Variants in ANO4 observed in about 807,000 individuals in gnomAD.
The protein encoded by ANO4 is anoctamin-4.
A neutral mutation model predicts 141.9 loss-of-function variants in ANO4; 69 were observed. The observed-to-expected ratio is 0.49, with a 90% CI of 0.40 to 0.59. The LOEUF (loss-of-function observed/expected upper bound fraction) is 0.59, where lower values mean the gene tolerates loss of function less well. ANO4 is among the 20% of genes least tolerant of loss of function. ANO4 has a pLI of 0.00. For synonymous variants in ANO4, 350 were observed against 394.3 expected (o/e 0.89, Z 1.33); for missense variants, 894 against 1,162.2 (o/e 0.77, Z 3.36).
At chr12:101,095,851 T>G (rs2049961374) in intron 18 of ANO4, among the ~76,000 whole-genome samples, 1 of 152,216 alleles carries the variant, frequency 6.6e-6, no homozygotes, top group Admixed American at 6.5e-5. Flanking sequence ...ATCCATGTTT[T>G]GGTTCACACC....
chr12:100,892,812 G>A (rs547403421), intron 1 of ANO4, among the ~76,000 whole-genome samples: 7 of 149,758 alleles, frequency 4.7e-5, no homozygotes, highest in Admixed American at 4.7e-4. Flanking sequence ...TTTTCTATCC[G>A]AGGTTGGTTT....
chr12:101,107,547 A>G (rs2050497742), intron 22 of ANO4, among the ~76,000 whole-genome samples: 1 of 104,908 alleles, frequency 9.5e-6, no homozygotes, highest in African/African-American at 6.7e-5. Flanking sequence ...AGTCATAGCA[A>G]CACTGCATAT....
chr12:101,122,623 C>T (rs1005160295), intron 26 of ANO4, among the ~76,000 whole-genome samples: 2 of 152,156 alleles, frequency 1.3e-5, no homozygotes, highest in Non-Finnish European at 2.9e-5. Context: ...TATCTCAGCA[C>T]CATTTATTGA....
intron 18 of ANO4, 102 bp downstream of exon 18, chr12:101,094,394 A>G (rs2049898092): frequency 1.1e-6 from 1 of 915,034 alleles, no homozygotes; most frequent in African/African-American, 1.7e-5. Flanking sequence ...TAGTCCCTTT[A>G]TTTTAAAATT....
intron 1 of ANO4, among the ~76,000 whole-genome samples, chr12:100,806,882 AT>A (rs561082850): frequency 6.6e-6 from 1 of 151,158 alleles, no homozygotes; most frequent in South Asian, 2.1e-4. Context: ...TTTCCTTATG[AT>A]TTTTTTTACC....
At chr12:100,751,454 A>T (rs555387800) in intron 3 of ANO4, among the ~76,000 whole-genome samples, 12 of 152,244 alleles carry the variant, frequency 7.9e-5, no homozygotes, top group African/African-American at 2.4e-4. Flanking sequence ...ACAGATTGGG[A>T]AACACCCTCT....
chr12:100,881,363 T>C (rs2039559976), intron 1 of ANO4, among the ~76,000 whole-genome samples: 1 of 150,856 alleles, frequency 6.6e-6, no homozygotes, highest in Non-Finnish European at 1.5e-5. Flanking sequence ...TATATTATAA[T>C]ACAAATGCAT....
At chr12:100,872,684 CA>C (rs1011203242) in intron 1 of ANO4, among the ~76,000 whole-genome samples, 4 of 152,126 alleles carry the variant, frequency 2.6e-5, no homozygotes, top group Non-Finnish European at 4.4e-5. Context: ...TATATTTCGG[CA>C]GCTATAATTT....
intron 3 of ANO4, among the ~76,000 whole-genome samples, chr12:100,784,071 CA>C (rs2033789675): frequency 6.6e-6 from 1 of 152,112 alleles, no homozygotes; most frequent in African/African-American, 2.4e-5. Context: ...TGTGGTTTTT[CA>C]CTGTTGTATT....
chr12:100,748,631 T>C (rs2032222106), intron 3 of ANO4, among the ~76,000 whole-genome samples: 1 of 152,244 alleles, frequency 6.6e-6, no homozygotes, highest in African/African-American at 2.4e-5. Flanking sequence ...GACAATTTCT[T>C]TTAATTGATG....
At chr12:100,907,726 G>A (rs1021344387) in intron 2 of ANO4, among the ~76,000 whole-genome samples, 4 of 152,132 alleles carry the variant, frequency 2.6e-5, no homozygotes, top group Admixed American at 2.0e-4. Context: ...CTCATCCCTA[G>A]CTATTTTCCA....
At chr12:101,037,609 G>A (rs1280969881) in intron 10 of ANO4, among the ~76,000 whole-genome samples, 1 of 152,194 alleles carries the variant, frequency 6.6e-6, no homozygotes, top group Non-Finnish European at 1.5e-5. Context: ...ACTCATCATT[G>A]TTCACCTAAG....
intron 1 of ANO4, among the ~76,000 whole-genome samples, chr12:100,865,762 G>A (rs1379126533): frequency 6.6e-6 from 1 of 152,180 alleles, no homozygotes; most frequent in Non-Finnish European, 1.5e-5. Context: ...ATAATAAAGG[G>A]ACTATTTGCA....
At chr12:100,791,673 G>A (rs1201740880), upstream of ANO4, among the ~76,000 whole-genome samples, 1 of 152,282 alleles carries the variant, frequency 6.6e-6, no homozygotes, top group East Asian at 1.9e-4. Context: ...AAGCATTCTT[G>A]GGGGACCCCC....
At chr12:100,874,272 G>A (rs773338587) in intron 1 of ANO4, among the ~76,000 whole-genome samples, 1 of 152,210 alleles carries the variant, frequency 6.6e-6, no homozygotes, top group South Asian at 2.1e-4. Flanking sequence ...GCCTTGTGGA[G>A]CTGTGAGAAG....
rs145735333 is a variant in ANO4 at position 100,816,110 on chromosome 12, C to T, written c.-141+21083C>T. Among the ~76,000 whole-genome samples, 431 of 152,034 alleles carry T rather than the reference C, an allele frequency of 2.8e-3. 3 individuals carry two copies. The highest frequency in any genetic ancestry group is 9.5e-3 in the African/African-American group (396 of 41,514). On this transcript the variant is annotated intron_variant, in intron 1 of 27. Transcript: ENST00000392977. ...CAAAGCATTTAAAATATATAACTAT[C>T]GTAGTACTGAATGCATGGCATAGTA...
Position 101,120,626 on chromosome 12 carries a change from G to C in ANO4, c.2676+1G>C. 6.2e-7 allele frequency: 1 copy of C among 1,612,746 alleles called. No individual in the cohort carries two copies. The highest frequency in any genetic ancestry group is 8.5e-7 in the Non-Finnish European group (1 of 1,178,860). ...ATTAGCTTTTATCATTGTCTTTGAG[G>C]TAAGTTTCCTCAGCCAAATTCTTTA... is the stretch of plus-strand genomic sequence containing the variant. On this transcript the variant is annotated splice_donor_variant, in intron 26 of 27. Coordinates refer to ENST00000392977, the MANE Select transcript of ANO4 (RefSeq NM_001286615.2). LOFTEE classifies it high-confidence loss of function.
intron 11 of ANO4, among the ~76,000 whole-genome samples, chr12:101,040,889 T>C (rs1446392329): frequency 6.6e-6 from 1 of 152,112 alleles, no homozygotes; most frequent in Non-Finnish European, 1.5e-5. Context: ...TTGCCGAGAA[T>C]GATGGTTTCC....
At chr12:100,779,415 G>C (rs553575200) in intron 3 of ANO4, among the ~76,000 whole-genome samples, 1 of 152,346 alleles carries the variant, frequency 6.6e-6, no homozygotes, top group South Asian at 2.1e-4. Context: ...AAGGAACTGT[G>C]TAGGTGGAGA....
Sources: allele counts gnomAD v4.1 joint callset (sites outside exome capture counted in the v4.1 genomes callset), GRCh38; gene constraint gnomAD v4.1.1; transcripts MANE v1.5; gene names NCBI Gene and HGNC (gene_info 2026-07-23, HGNC 2026-07-21).